The following TAF1A variants were observed in gnomAD, a reference collection of about 807,000 sequenced individuals.
TAF1A encodes TATA-box binding protein associated factor, RNA polymerase I subunit A.
TAF1A carries 42 observed loss-of-function variants against 61.6 expected under a neutral mutation model. That is an observed-to-expected ratio of 0.68 (90% CI 0.53 to 0.88). TAF1A has a LOEUF of 0.88. Among genes scored for constraint, TAF1A ranks in the 40% least tolerant of loss-of-function variants. TAF1A has a pLI of 0.00. For missense variants in TAF1A, 424 were observed against 518.7 expected (o/e 0.82, Z 1.77); for synonymous variants, 179 against 177.7 (o/e 1.01, Z -0.06).
chr1:222,582,740 A>G (rs1318556399), intron 3 of TAF1A, among the ~76,000 whole-genome samples: 1 of 152,266 alleles, frequency 6.6e-6, no homozygotes, highest in East Asian at 1.9e-4. Flanking sequence ...TGGTATTTCC[A>G]TATGACAGAT....
chr1:222,556,918 C>T (rs1659735274), downstream of TAF1A, among the ~76,000 whole-genome samples: 2 of 152,216 alleles, frequency 1.3e-5, no homozygotes, highest in African/African-American at 2.4e-5. Context: ...AGAACTCCTA[C>T]ACAACCGAAT....
chr1:222,583,997 T>A, intron 3 of TAF1A, 131 bp downstream of exon 3: 1 of 947,612 alleles, frequency 1.1e-6, no homozygotes, highest in Admixed American at 2.6e-5. Context: ...ATACAAACTC[T>A]CCACTCAAAA....
At chr1:222,561,337 T>C in intron 10 of TAF1A, 27 bp downstream of exon 10, 1 of 1,588,620 alleles carries the variant, frequency 6.3e-7, no homozygotes, top group Non-Finnish European at 8.5e-7. Flanking sequence ...AAGCTGTGTC[T>C]AGATAAAACG....
intron 3 of TAF1A, among the ~76,000 whole-genome samples, chr1:222,583,837 C>CA (rs200580139): frequency 0.2 from 18,130 of 89,772 alleles, 1,397 homozygotes; most frequent in Middle Eastern, 0.34. Context: ...GACTCCGTCT[C>CA]AAAAAAAAAA....
At chr1:222,574,284 A>G (rs1660479778) in intron 5 of TAF1A, among the ~76,000 whole-genome samples, 1 of 152,220 alleles carries the variant, frequency 6.6e-6, no homozygotes, top group African/African-American at 2.4e-5. Context: ...ATAAAGCTAT[A>G]AAGAAAAAAA....
At chr1:222,582,266 G>A (rs1013181929) in intron 3 of TAF1A, among the ~76,000 whole-genome samples, 2 of 152,180 alleles carry the variant, frequency 1.3e-5, no homozygotes, top group African/African-American at 4.8e-5. Flanking sequence ...TTATGACTTT[G>A]GCTTTTACTG....
At chr1:222,561,134 A>C (rs1382604272) in intron 10 of TAF1A, among the ~76,000 whole-genome samples, 4 of 152,156 alleles carry the variant, frequency 2.6e-5, no homozygotes, top group Non-Finnish European at 4.4e-5. Flanking sequence ...ATGGCCCCCT[A>C]ACAACACTCA....
At chr1:222,570,489 C>A in intron 6 of TAF1A, 46 bp downstream of exon 6, 1 of 1,557,046 alleles carries the variant, frequency 6.4e-7, no homozygotes, top group Admixed American at 1.8e-5. Flanking sequence ...TTTGTATAGG[C>A]TTTTGACAAA....
At chr1:222,556,147 G>T (rs1163586026), downstream of TAF1A, among the ~76,000 whole-genome samples, 2 of 152,200 alleles carry the variant, frequency 1.3e-5, no homozygotes, top group African/African-American at 4.8e-5. Flanking sequence ...CATCTCATGT[G>T]TAAGAAAAGG....
chr1:222,563,105 G>A (rs552128193), intron 9 of TAF1A, 68 bp downstream of exon 9: 1 of 1,378,694 alleles, frequency 7.3e-7, no homozygotes, highest in African/African-American at 1.5e-5. Flanking sequence ...TTTAAAAATT[G>A]ATATTAGCTA....
chr1:222,588,978 G>C (rs1661139464), intron 1 of TAF1A, among the ~76,000 whole-genome samples: 1 of 152,146 alleles, frequency 6.6e-6, no homozygotes, highest in Admixed American at 6.5e-5. Flanking sequence ...GCAATCCTGA[G>C]GTGGGTACTA....
intron 7 of TAF1A, among the ~76,000 whole-genome samples, chr1:222,564,489 T>C (rs1015470317): frequency 1.3e-5 from 2 of 151,976 alleles, no homozygotes; most frequent in African/African-American, 2.4e-5. Flanking sequence ...AAAAAATCAA[T>C]TATCACACAG....
At chr1:222,572,134 G>A (rs1403755551) in intron 5 of TAF1A, among the ~76,000 whole-genome samples, 1 of 150,668 alleles carries the variant, frequency 6.6e-6, no homozygotes, top group Non-Finnish European at 1.5e-5. Context: ...CACAGGAATC[G>A]CTTGAACCTG....
At chr1:222,584,688 G>A (rs1390595397) in intron 2 of TAF1A, among the ~76,000 whole-genome samples, 1 of 152,120 alleles carries the variant, frequency 6.6e-6, no homozygotes, top group Admixed American at 6.5e-5. Context: ...ACCTACCCAT[G>A]TTCTGCAAAC....
At chr1:222,587,547 C>T (rs1375448819) in intron 2 of TAF1A, among the ~76,000 whole-genome samples, 3 of 152,170 alleles carry the variant, frequency 2.0e-5, no homozygotes, top group Non-Finnish European at 4.4e-5. Flanking sequence ...AAGTAAAATG[C>T]TGGTTCAAAT....
At chr1:222,578,406 C>T (rs1350016678) in intron 4 of TAF1A, among the ~76,000 whole-genome samples, 1 of 152,194 alleles carries the variant, frequency 6.6e-6, no homozygotes, top group East Asian at 1.9e-4. Context: ...GCATAAACTC[C>T]TTCAATGGCT....
Position 222,569,672 on chromosome 1 carries a change from TATAAA to T in TAF1A, c.736-9_736-5del. 4.4e-6 allele frequency: 7 copies of T among 1,606,418 alleles called. No individual in the cohort carries two copies. Among genetic ancestry groups the T allele is most frequent in the Non-Finnish European group, 5.9e-6 (7 of 1,177,726 alleles). On this transcript the variant is annotated splice_region_variant and splice_polypyrimidine_tract_variant and intron_variant, in intron 6 of 10. Coordinates refer to ENST00000352967, the MANE Select transcript of TAF1A (RefSeq NM_005681.4). ...GATCCCCATAGAATTCCAGCATCTA[TATAAA>T]ATAAATCATAATATCTTAGCTGAAT...
Position 222,579,739 on chromosome 1 carries a change from C to T in TAF1A, c.405+20G>A, listed in dbSNP as rs1660710827. 7 of 1,589,786 alleles carry T rather than the reference C, an allele frequency of 4.4e-6. No individual in the cohort carries two copies. The highest frequency in any genetic ancestry group is 5.1e-6 in the Non-Finnish European group (6 of 1,173,754). ...AAAAAGAATACTGCAAGTGTAAATT[C>T]ACAAAGCCCATATTCTCACCTTTAA... On this transcript the variant is annotated intron_variant, in intron 4 of 10. Coordinates refer to ENST00000352967, the MANE Select transcript of TAF1A (RefSeq NM_005681.4).
intron 5 of TAF1A, among the ~76,000 whole-genome samples, chr1:222,576,853 C>G (rs1240965674): frequency 3.3e-5 from 5 of 152,192 alleles, no homozygotes; most frequent in African/African-American, 1.2e-4. Flanking sequence ...CAAAGACTTT[C>G]TTCTTGACCA....
Sources: gnomAD v4.1 joint callset for allele counts (sites outside exome capture counted in the v4.1 genomes callset) on GRCh38, gnomAD v4.1.1 for gene constraint, MANE v1.5 for transcripts, NCBI Gene and HGNC (gene_info 2026-07-23, HGNC 2026-07-21) for gene names.